MSRA: variants seen among roughly 807,000 people sequenced by gnomAD.
The protein encoded by MSRA is methionine sulfoxide reductase A, also known as mitochondrial peptide methionine sulfoxide reductase.
A neutral mutation model predicts 31.3 loss-of-function variants in MSRA; 54 were observed. The ratio of observed to expected loss-of-function variants is 1.73; its 90% CI spans 1.39 to 2.17. MSRA has a LOEUF of 2.17. Among genes scored for constraint, MSRA ranks in the 30% most tolerant of loss-of-function variants. MSRA has a pLI of 0.00. For missense variants in MSRA, 507 were observed against 300.9 expected (o/e 1.69, Z -5.07); for synonymous variants, 169 against 116.5 (o/e 1.45, Z -2.90).
At chr8:10,293,830 G>T (rs118034529) in intron 3 of MSRA, among the ~76,000 whole-genome samples, 290 of 152,292 alleles carry the variant, frequency 1.9e-3, no homozygotes, top group Non-Finnish European at 3.3e-3. Flanking sequence ...CTGGGACACA[G>T]GAGAGCACAG....
chr8:10,263,437 A>G (rs757802436), intron 3 of MSRA, among the ~76,000 whole-genome samples: 1 of 152,234 alleles, frequency 6.6e-6, no homozygotes, highest in South Asian at 2.1e-4. Flanking sequence ...CCAGGAAGGT[A>G]TGTGTGCACG....
At chr8:10,261,306 A>C (rs549751356) in intron 3 of MSRA, among the ~76,000 whole-genome samples, 1 of 152,142 alleles carries the variant, frequency 6.6e-6, no homozygotes, top group East Asian at 1.9e-4. Context: ...TAATCTTTGA[A>C]AGTCACTATG....
chr8:10,248,026 T>C (rs1379441352), intron 3 of MSRA, among the ~76,000 whole-genome samples: 2 of 152,128 alleles, frequency 1.3e-5, no homozygotes, highest in South Asian at 2.1e-4. Context: ...AAGCCTCTGG[T>C]GCTCAAAGCC....
intron 4 of MSRA, among the ~76,000 whole-genome samples, chr8:10,302,523 A>G (rs1415338691): frequency 6.6e-6 from 1 of 152,230 alleles, no homozygotes; most frequent in Non-Finnish European, 1.5e-5. Flanking sequence ...GTTTTTCTCC[A>G]AATGTAAATT....
chr8:10,195,431 G>C (rs1050822274), intron 1 of MSRA, among the ~76,000 whole-genome samples: 10 of 152,150 alleles, frequency 6.6e-5, no homozygotes, highest in African/African-American at 2.4e-4. Context: ...AGCAGAGATG[G>C]GGGTTCCCCA....
intron 1 of MSRA, among the ~76,000 whole-genome samples, chr8:10,190,787 A>C (rs1445685701): frequency 6.6e-6 from 1 of 152,150 alleles, no homozygotes; most frequent in African/African-American, 2.4e-5. Flanking sequence ...TGTCATTTTC[A>C]AGAAGGGTAG....
chr8:10,097,342 A>G (rs939708826), intron 1 of MSRA, among the ~76,000 whole-genome samples: 1 of 152,170 alleles, frequency 6.6e-6, no homozygotes. Context: ...TCCTTTATAC[A>G]CTACGTCGCT....
chr8:10,345,767 C>G (rs1220796083), intron 5 of MSRA, among the ~76,000 whole-genome samples: 6 of 152,120 alleles, frequency 3.9e-5, no homozygotes, highest in Non-Finnish European at 8.8e-5. Context: ...AAAGGCCTGG[C>G]AAATCAAGAT....
chr8:10,073,820 G>A (rs935552945), intron 1 of MSRA, among the ~76,000 whole-genome samples: 4 of 151,990 alleles, frequency 2.6e-5, no homozygotes, highest in Non-Finnish European at 5.9e-5. Context: ...TATTAATTCT[G>A]TAGCTTGACA....
intron 3 of MSRA, among the ~76,000 whole-genome samples, chr8:10,292,495 C>T (rs781285610): frequency 6.6e-6 from 1 of 152,212 alleles, no homozygotes; most frequent in Non-Finnish European, 1.5e-5. Context: ...TTTTGCATCT[C>T]CTCTCCCTGC....
intron 3 of MSRA, among the ~76,000 whole-genome samples, chr8:10,283,831 A>ATG (rs1799778947): frequency 2.2e-5 from 2 of 92,302 alleles, no homozygotes; most frequent in African/African-American, 3.9e-5. Flanking sequence ...ATATATATAT[A>ATG]TATATACACA....
At chr8:10,131,397 G>C (rs1343563621) in intron 1 of MSRA, among the ~76,000 whole-genome samples, 2 of 152,220 alleles carry the variant, frequency 1.3e-5, no homozygotes, top group African/African-American at 4.8e-5. Flanking sequence ...TGTAGGATTT[G>C]GGCAGGTAGC....
chr8:10,253,631 A>G (rs894864608), intron 3 of MSRA, among the ~76,000 whole-genome samples: 1 of 152,228 alleles, frequency 6.6e-6, no homozygotes, highest in African/African-American at 2.4e-5. Flanking sequence ...GAGGAATTTG[A>G]TATAGCAAGC....
intron 5 of MSRA, among the ~76,000 whole-genome samples, chr8:10,340,981 C>G (rs2129150439): frequency 6.6e-6 from 1 of 152,304 alleles, no homozygotes; most frequent in Non-Finnish European, 1.5e-5. Flanking sequence ...CAGCCTCCAA[C>G]ATGAAGTAAG....
At chr8:10,140,817 T>C (rs138945397) in intron 1 of MSRA, among the ~76,000 whole-genome samples, 1 of 151,612 alleles carries the variant, frequency 6.6e-6, no homozygotes, top group Non-Finnish European at 1.5e-5. Flanking sequence ...ATCTAATGGC[T>C]AAAAATAGAA....
intron 1 of MSRA, among the ~76,000 whole-genome samples, chr8:10,056,964 A>G (rs1281225692): frequency 1.3e-5 from 2 of 152,142 alleles, no homozygotes; most frequent in Non-Finnish European, 2.9e-5. Context: ...CCATTACCAA[A>G]TACTTGAGGT....
At chr8:10,353,283 A>G (rs7828605) in intron 5 of MSRA, among the ~76,000 whole-genome samples, 12,440 of 152,254 alleles carry the variant, frequency 0.082, 1,083 homozygotes, top group African/African-American at 0.22. Flanking sequence ...TTGCCAATAA[A>G]AAGCCACTCA....
intron 1 of MSRA, among the ~76,000 whole-genome samples, chr8:10,088,236 A>T (rs765816432): frequency 7.9e-5 from 12 of 152,150 alleles, no homozygotes; most frequent in Non-Finnish European, 1.5e-4. Flanking sequence ...TGTTGGTGGG[A>T]ATGTATTTTG....
rs1808795634 is a variant in MSRA at position 10,421,253 on chromosome 8, G to C, written c.544-6895G>C. 3.9e-5 allele frequency among the ~76,000 whole-genome samples: 6 copies of C among 152,178 alleles called. No homozygotes were observed. In the South Asian group the frequency reaches 1.2e-3, roughly 32 times the overall value. On this transcript the variant is annotated intron_variant, in intron 5 of 5. Coordinates refer to ENST00000317173, the MANE Select transcript of MSRA (RefSeq NM_012331.5). ...GCTGCTGACCGGTGGCTGTGGTCAT[G>C]CCTGTCCTCTCCCCCAGGCTTCCCT...
Sources: allele counts gnomAD v4.1 joint callset (sites outside exome capture counted in the v4.1 genomes callset), GRCh38; gene constraint gnomAD v4.1.1; transcripts MANE v1.5; gene names NCBI Gene and HGNC (gene_info 2026-07-23, HGNC 2026-07-21).